The following KHDRBS2 variants were observed in gnomAD, a reference collection of about 807,000 sequenced individuals.
KHDRBS2 encodes KH domain-containing, RNA-binding, signal transduction-associated protein 2.
A neutral mutation model predicts 44.3 loss-of-function variants in KHDRBS2; 26 were observed. That is an observed-to-expected ratio of 0.59 (90% confidence interval 0.43 to 0.81). The LOEUF is 0.81. Among genes scored for constraint, KHDRBS2 ranks in the 40% least tolerant of loss-of-function variants. KHDRBS2 has a pLI of 0.00. For missense variants in KHDRBS2, 476 were observed against 433.1 expected, an observed-to-expected ratio of 1.10 and a Z score of -0.88; for synonymous variants, 194 against 151.1, an observed-to-expected ratio of 1.28 and a Z score of -2.08.
At chr6:61,946,976 G>T (rs1023611985) in intron 4 of KHDRBS2, among the ~76,000 whole-genome samples, 4 of 152,152 alleles carry the variant, frequency 2.6e-5, no homozygotes, top group African/African-American at 7.2e-5. Flanking sequence ...AAAGGATCTT[G>T]GGCGGGCAAA....
chr6:62,056,102 C>T (rs1790229157), intron 2 of KHDRBS2, among the ~76,000 whole-genome samples: 1 of 151,946 alleles, frequency 6.6e-6, no homozygotes. Flanking sequence ...CATCTCTTCC[C>T]ACAGTTATAT....
At chr6:62,237,180 C>T (rs752378697) in intron 1 of KHDRBS2, among the ~76,000 whole-genome samples, 8 of 152,040 alleles carry the variant, frequency 5.3e-5, no homozygotes, top group Admixed American at 2.0e-4. Flanking sequence ...TTTTAAAGAA[C>T]GTGTTAAGAA....
chr6:61,895,921 T>A (rs1266658814), intron 5 of KHDRBS2, among the ~76,000 whole-genome samples: 1 of 152,110 alleles, frequency 6.6e-6, no homozygotes, highest in African/African-American at 2.4e-5. Flanking sequence ...AAGTGAAGGG[T>A]ACGAATGCTG....
chr6:62,158,700 T>G lies in KHDRBS2; in HGVS notation c.219+18485A>C, dbSNP rs190084197. Among the ~76,000 whole-genome samples, 5 of 152,238 alleles carry G rather than the reference T, an allele frequency of 3.3e-5. No individual in the cohort carries two copies. In the East Asian group the frequency reaches 9.6e-4, roughly 29 times the overall value. Reference sequence around the variant, plus strand: ...TTCTCTTATTGAGAGAACTTGAGAGTAGGAAGATAAATCTTACCCTGATCT... The same window carrying G: ...TTCTCTTATTGAGAGAACTTGAGAGGAGGAAGATAAATCTTACCCTGATCT... On this transcript the variant is annotated intron_variant, in intron 2 of 8. Transcript: ENST00000281156.
chr6:61,996,034 A>T lies in KHDRBS2; in HGVS notation c.337-17822T>A, dbSNP rs180796850. On this transcript the variant is annotated intron_variant, in intron 3 of 8. Transcript: ENST00000281156. ...TAACACTGGTGAAAAAGGAAAAGAGACAAAGAAATTGAACACAAGTATAAC... is the reference window on the plus strand; with the variant it reads ...TAACACTGGTGAAAAAGGAAAAGAGTCAAAGAAATTGAACACAAGTATAAC... Among the ~76,000 whole-genome samples the T allele has an allele frequency of 2.3e-3, 344 of 152,334 alleles. 1 individual carries two copies. The highest frequency in any genetic ancestry group is 7.6e-3 in the African/African-American group (314 of 41,570).
intron 2 of KHDRBS2, among the ~76,000 whole-genome samples, chr6:62,150,379 C>T (rs1814887019): frequency 6.6e-6 from 1 of 151,632 alleles, no homozygotes; most frequent in Non-Finnish European, 1.5e-5. Flanking sequence ...AAGTGTTTGA[C>T]ATATACTATC....
At chr6:61,707,311 A>T (rs1476568851) in intron 7 of KHDRBS2, among the ~76,000 whole-genome samples, 1 of 151,762 alleles carries the variant, frequency 6.6e-6, no homozygotes, top group Non-Finnish European at 1.5e-5. Flanking sequence ...TCTTTCCCAA[A>T]GTTGTATCAT....
chr6:62,072,065 C>T (rs572642165), intron 2 of KHDRBS2, among the ~76,000 whole-genome samples: 2 of 152,000 alleles, frequency 1.3e-5, no homozygotes, highest in Non-Finnish European at 2.9e-5. Context: ...ACATCCCTTG[C>T]AAGTTGGATT....
intron 8 of KHDRBS2, among the ~76,000 whole-genome samples, chr6:61,682,363 TTA>T (rs1766396120): frequency 6.6e-6 from 1 of 151,824 alleles, no homozygotes; most frequent in South Asian, 2.1e-4. Context: ...AAATAAAAAA[TTA>T]TATCTCTTTC....
intron 1 of KHDRBS2, among the ~76,000 whole-genome samples, chr6:62,214,184 T>C (rs1585236162): frequency 6.6e-6 from 1 of 152,276 alleles, no homozygotes; most frequent in Non-Finnish European, 1.5e-5. Flanking sequence ...CAAAATTTCT[T>C]TGTGCAAAGT....
chr6:61,551,216 T>G, the KHDRBS2 span, among the ~76,000 whole-genome samples: 1 of 152,222 alleles, frequency 6.6e-6, no homozygotes, highest in African/African-American at 2.4e-5. Context: ...TGGGGTTGAT[T>G]GTTTTTTGCT....
intron 4 of KHDRBS2, among the ~76,000 whole-genome samples, chr6:61,926,584 G>A (rs1461431771): frequency 6.6e-5 from 10 of 152,094 alleles, no homozygotes; most frequent in Non-Finnish European, 1.5e-4. Context: ...CCAAATCATA[G>A]CACTCAAGGG....
chr6:62,155,782 A>G (rs950054017), intron 2 of KHDRBS2, among the ~76,000 whole-genome samples: 9 of 152,244 alleles, frequency 5.9e-5, no homozygotes, highest in African/African-American at 1.9e-4. Context: ...ACAGTTTACA[A>G]AAATACAAGA....
chr6:61,704,888 C>A (rs1238282764), intron 7 of KHDRBS2, among the ~76,000 whole-genome samples: 3 of 151,696 alleles, frequency 2.0e-5, no homozygotes, highest in African/African-American at 7.3e-5. Flanking sequence ...TGAACTTGGG[C>A]TTTTTTGTTA....
At chr6:61,891,145 A>C (rs1309781362) in intron 6 of KHDRBS2, among the ~76,000 whole-genome samples, 1 of 152,222 alleles carries the variant, frequency 6.6e-6, no homozygotes, top group Non-Finnish European at 1.5e-5. Flanking sequence ...TAAGACATTG[A>C]AGAGGACAGC....
At chr6:61,617,838 A>G in the KHDRBS2 span, among the ~76,000 whole-genome samples, 1 of 152,186 alleles carries the variant, frequency 6.6e-6, no homozygotes, top group Non-Finnish European at 1.5e-5. Flanking sequence ...CCTAGAAATA[A>G]TTAGAGAATT....
At chr6:62,104,516 C>T (rs1026437829) in intron 2 of KHDRBS2, among the ~76,000 whole-genome samples, 1 of 151,932 alleles carries the variant, frequency 6.6e-6, no homozygotes, top group Non-Finnish European at 1.5e-5. Context: ...TTCCCAAATA[C>T]TTGAAAAGTA....
intron 2 of KHDRBS2, among the ~76,000 whole-genome samples, chr6:62,166,216 C>A (rs1818656779): frequency 6.6e-6 from 1 of 151,988 alleles, no homozygotes; most frequent in Non-Finnish European, 1.5e-5. Context: ...TATTTATCTA[C>A]TAGTTTGTTG....
chr6:61,865,313 A>G (rs988856182), intron 6 of KHDRBS2, among the ~76,000 whole-genome samples: 5 of 152,314 alleles, frequency 3.3e-5, no homozygotes, highest in African/African-American at 1.2e-4. Context: ...TAGAGACTGG[A>G]AAGAAAAAGA....
Sources: gnomAD v4.1 joint callset for allele counts (sites outside exome capture counted in the v4.1 genomes callset) on GRCh38, gnomAD v4.1.1 for gene constraint, MANE v1.5 for transcripts, NCBI Gene and HGNC (gene_info 2026-07-23, HGNC 2026-07-21) for gene names.